Variants in MTFR1 observed in about 807,000 individuals in gnomAD.
The protein encoded by MTFR1 is chondrocyte protein with a poly-proline region.
Under a neutral mutation model 38.8 loss-of-function variants are expected in MTFR1, and 28 were observed. That is an observed-to-expected ratio of 0.72 (90% confidence interval 0.53 to 0.99). The LOEUF is 0.99. Ranked by LOEUF, MTFR1 falls within the 50% of genes least tolerant of loss-of-function variation. The probability of loss-of-function intolerance (pLI) is 0.00; values close to 1 mark genes in which losing one functional copy is unlikely to be tolerated. For synonymous variants in MTFR1, 145 were observed against 137.0 expected (o/e 1.06, Z -0.41); for missense variants, 358 against 395.5 (o/e 0.91, Z 0.81).
downstream of MTFR1, among the ~76,000 whole-genome samples, chr8:65,711,170 T>C (rs980452956): frequency 6.6e-6 from 1 of 152,182 alleles, no homozygotes; most frequent in Non-Finnish European, 1.5e-5. Flanking sequence ...CCCTGGCACC[T>C]GTAAAAGGCA....
chr8:65,708,563 A>G (rs1805852960), intron 7 of MTFR1, among the ~76,000 whole-genome samples: 1 of 152,166 alleles, frequency 6.6e-6, no homozygotes, highest in African/African-American at 2.4e-5. Context: ...TAATTGATAC[A>G]TTCCCTTTAT....
intron 3 of MTFR1, among the ~76,000 whole-genome samples, chr8:65,720,841 T>TTA (rs2129063755): frequency 6.6e-6 from 1 of 152,326 alleles, no homozygotes; most frequent in Admixed American, 6.5e-5. Context: ...CAGTGTTATG[T>TTA]TGAGCCAGCC....
chr8:65,739,436 T>C, intron 3 of MTFR1: 1 of 1,468,260 alleles, frequency 6.8e-7, no homozygotes, highest in Non-Finnish European at 9.0e-7. Context: ...ATAACTGAGA[T>C]AAAACTTAAA....
chr8:65,712,310 C>G (rs1338664670), downstream of MTFR1, among the ~76,000 whole-genome samples: 1 of 152,088 alleles, frequency 6.6e-6, no homozygotes, highest in African/African-American at 2.4e-5. Context: ...TGTCCAGATC[C>G]CCCCAACCCC....
intron 1 of MTFR1, among the ~76,000 whole-genome samples, chr8:65,661,976 C>A (rs1271176075): frequency 6.6e-6 from 1 of 150,784 alleles, no homozygotes; most frequent in Non-Finnish European, 1.5e-5. Flanking sequence ...AACAAACAAA[C>A]AAACAAAAAG....
At chr8:65,735,200 G>T (rs1482071224) in intron 3 of MTFR1, among the ~76,000 whole-genome samples, 2 of 152,186 alleles carry the variant, frequency 1.3e-5, no homozygotes, top group Non-Finnish European at 2.9e-5. Context: ...TCAAAGGAAA[G>T]CGAGCCTACC....
At chr8:65,731,233 C>T (rs1373158285) in intron 3 of MTFR1, among the ~76,000 whole-genome samples, 1 of 152,136 alleles carries the variant, frequency 6.6e-6, no homozygotes, top group Non-Finnish European at 1.5e-5. Context: ...CTACTCAGAG[C>T]ATGAATAAGT....
chr8:65,679,387 C>G (rs1252354604), intron 2 of MTFR1: 2 of 152,210 alleles, frequency 1.3e-5, no homozygotes, highest in African/African-American at 4.8e-5. Context: ...AGGTGGATCA[C>G]TTGAGGTCAA....
At chr8:65,732,860 G>GT (rs540746744) in intron 3 of MTFR1, among the ~76,000 whole-genome samples, 10 of 150,964 alleles carry the variant, frequency 6.6e-5, no homozygotes, top group African/African-American at 1.2e-4. Flanking sequence ...GAGTGACTCT[G>GT]TTTTTTTTTC....
At chr8:65,739,885 T>C (rs1032661885) in intron 3 of MTFR1, among the ~76,000 whole-genome samples, 5 of 152,168 alleles carry the variant, frequency 3.3e-5, no homozygotes, top group African/African-American at 7.2e-5. Context: ...ATAATGAGAA[T>C]AGACAATAGA....
At chr8:65,650,833 C>T (rs74793577) in intron 1 of MTFR1, among the ~76,000 whole-genome samples, 2,487 of 152,232 alleles carry the variant, frequency 0.016, 76 homozygotes, top group African/African-American at 0.055. Context: ...GTGAGATTGA[C>T]GAGTCATATG....
chr8:65,734,384 T>C (rs1441059562), intron 3 of MTFR1, among the ~76,000 whole-genome samples: 1 of 152,176 alleles, frequency 6.6e-6, no homozygotes, highest in African/African-American at 2.4e-5. Flanking sequence ...CTGGCAGGTG[T>C]TCAGGCTTTT....
intron 3 of MTFR1, among the ~76,000 whole-genome samples, chr8:65,735,432 C>T (rs1325966649): frequency 6.6e-6 from 1 of 151,914 alleles, no homozygotes; most frequent in Non-Finnish European, 1.5e-5. Flanking sequence ...CCTCAGCCTC[C>T]CAAGTAGTTG....
intron 3 of MTFR1, chr8:65,723,730 C>A: frequency 2.8e-6 from 2 of 726,290 alleles, no homozygotes; most frequent in South Asian, 3.3e-5. Flanking sequence ...CATACTTAAT[C>A]CTCATGAGAG....
intron 3 of MTFR1, among the ~76,000 whole-genome samples, chr8:65,740,987 G>A (rs751743775): frequency 1.2e-4 from 18 of 152,200 alleles, no homozygotes; most frequent in African/African-American, 2.4e-4. Context: ...CGTCCTCAAC[G>A]TCCACTCCTT....
At chr8:65,710,659 G>GAATT (rs1805918082), downstream of MTFR1, 2 of 151,944 alleles carry the variant, frequency 1.3e-5, no homozygotes, top group Non-Finnish European at 2.9e-5. Context: ...TTTTCAAGTG[G>GAATT]AATTATATTC....
chr8:65,675,487 T>A (rs1396321948), intron 2 of MTFR1, among the ~76,000 whole-genome samples: 1 of 150,000 alleles, frequency 6.7e-6, no homozygotes, highest in Non-Finnish European at 1.5e-5. Context: ...TAGTCCCAGC[T>A]ATTCAGGAGG....
At chr8:65,740,901 T>C (rs1030971442) in intron 3 of MTFR1, among the ~76,000 whole-genome samples, 1 of 152,080 alleles carries the variant, frequency 6.6e-6, no homozygotes, top group Non-Finnish European at 1.5e-5. Context: ...CCTGGCCCCC[T>C]CCAGTTTCAC....
intron 4 of MTFR1, among the ~76,000 whole-genome samples, chr8:65,696,158 A>G (rs1221984031): frequency 6.6e-6 from 1 of 152,198 alleles, no homozygotes; most frequent in East Asian, 1.9e-4. Flanking sequence ...AGCAAGAGTA[A>G]TTTCATTTGA....
Sources: allele counts gnomAD v4.1 joint callset (sites outside exome capture counted in the v4.1 genomes callset), GRCh38; gene constraint gnomAD v4.1.1; transcripts MANE v1.5; gene names NCBI Gene and HGNC (gene_info 2026-07-23, HGNC 2026-07-21).